TRIM2: variants seen among roughly 807,000 people sequenced by gnomAD.
The protein encoded by TRIM2 is tripartite motif containing 2.
TRIM2 carries 20 observed loss-of-function variants against 75.2 expected under a neutral mutation model. The observed-to-expected ratio is 0.27, with a 90% CI of 0.19 to 0.39. The LOEUF (loss-of-function observed/expected upper bound fraction) is 0.39, where lower values mean the gene tolerates loss of function less well. Among genes scored for constraint, TRIM2 ranks in the 10% least tolerant of loss-of-function variants. The pLI, the probability that TRIM2 is intolerant of heterozygous loss-of-function variation, is 1.00. For synonymous variants in TRIM2, 373 were observed against 388.3 expected, an observed-to-expected ratio of 0.96 and a Z score of 0.46; for missense variants, 660 against 990.8, an observed-to-expected ratio of 0.67 and a Z score of 4.48.
intron 9 of TRIM2, among the ~76,000 whole-genome samples, chr4:153,323,398 A>G (rs991787435): frequency 2.0e-5 from 3 of 152,330 alleles, no homozygotes; most frequent in African/African-American, 7.2e-5. Context: ...AATTTGCATA[A>G]TATTTGTTTA....
In TRIM2 at chr4:153,244,176, TCTTCTC is replaced by T. The variant is rs1418571367; in HGVS notation, c.31-26156_31-26151del. Among the ~76,000 whole-genome samples the T allele has an allele frequency of 2.1e-3, 301 of 141,778 alleles. 13 individuals are homozygous for T. The highest frequency in any genetic ancestry group is 8.4e-3 in the African/African-American group (291 of 34,488). 93.0% of individuals were successfully genotyped at this position (141,778 alleles called of 152,430 possible). A position where few individuals can be genotyped will look rare whatever the true frequency, so the allele number is the denominator to read the frequency against. On this transcript the variant is annotated intron_variant, in intron 1 of 11. Transcript: ENST00000338700. ...TTGTTCTTCTTCTTCTTCTTCTTCT[TCTTCTC>T]CTCCTTCTTCTTCTCCTCCTTTTCC...
chr4:153,289,617 G>A (rs914530454), intron 3 of TRIM2, among the ~76,000 whole-genome samples: 4 of 151,992 alleles, frequency 2.6e-5, no homozygotes, highest in East Asian at 1.9e-4. Context: ...TTGTCATCTC[G>A]TTTCTTATAC....
At position 153,328,701 on chromosome 4, in the gene TRIM2, A is replaced by G. The variant is rs372930413; in HGVS notation, c.2163+31A>G. 10 of 1,538,292 alleles carry G rather than the reference A, an allele frequency of 6.5e-6. No individual in the cohort carries two copies. In the South Asian group the frequency reaches 1.3e-4, roughly 20 times the overall value. ...TCAATGTGCTAATGTATATGGTTAG[A>G]GTGTTTGGTATTTGTTAAAAGTGAA... On this transcript the variant is annotated intron_variant, in intron 11 of 11. Coordinates refer to ENST00000338700, the MANE Select transcript of TRIM2 (RefSeq NM_015271.5).
intron 8 of TRIM2, among the ~76,000 whole-genome samples, chr4:153,320,275 T>G (rs927858083): frequency 6.6e-6 from 1 of 152,230 alleles, no homozygotes; most frequent in Non-Finnish European, 1.5e-5. Flanking sequence ...TCCTTTGCTC[T>G]AAAGAGATGA....
rs71598257 is a variant in TRIM2, at chr4:153,283,861, C to CTTTTTTTTTT, written c.453+7749_453+7758dup. Reference sequence around the variant, plus strand: ...TCATCTTGGCCAGGATGGCCTTGATCTTTTTTTTTTTTTTTTTTTTTTTTT... The same window carrying CTTTTTTTTTT: ...TCATCTTGGCCAGGATGGCCTTGATCTTTTTTTTTTTTTTTTTTTTTTTTTTTTTTTTTTT... On this transcript the variant is annotated intron_variant, in intron 3 of 11. Coordinates refer to ENST00000338700, the MANE Select transcript of TRIM2 (RefSeq NM_015271.5). Among the ~76,000 whole-genome samples, 32 of 53,276 alleles carry CTTTTTTTTTT rather than the reference C, an allele frequency of 6.0e-4. 4 individuals carry two copies. The highest frequency in any genetic ancestry group is 2.7e-3 in the African/African-American group (32 of 11,750). 35.0% of individuals were successfully genotyped at this position (53,276 alleles called of 152,430 possible).
rs571915501 is a variant in TRIM2, at chr4:153,266,103, A to C, written c.31-4232A>C. 7.9e-5 allele frequency among the ~76,000 whole-genome samples: 12 copies of C among 152,318 alleles called. No individual in the cohort carries two copies. In the South Asian group the frequency reaches 2.3e-3, roughly 29 times the overall value. Reference sequence around the variant, plus strand: ...ACCTATACCGTTTAACTATGCAGTGAGTTCTGTCTGAATGTGACACTCTTG... The same window carrying C: ...ACCTATACCGTTTAACTATGCAGTGCGTTCTGTCTGAATGTGACACTCTTG... On this transcript the variant is annotated intron_variant, in intron 1 of 11. Transcript: ENST00000338700.
intron 1 of TRIM2, among the ~76,000 whole-genome samples, chr4:153,197,203 GTAAGTT>G (rs1481901012): frequency 6.6e-6 from 1 of 152,198 alleles, no homozygotes; most frequent in Non-Finnish European, 1.5e-5. Flanking sequence ...CTTCCAGGTA[GTAAGTT>G]TAATGGAATG....
intron 2 of TRIM2, among the ~76,000 whole-genome samples, chr4:153,270,816 A>C (rs772513642): frequency 1.5e-4 from 23 of 152,188 alleles, no homozygotes; most frequent in Non-Finnish European, 2.5e-4. Context: ...TTTGTGAAAC[A>C]ATTTTTGTCC....
intron 1 of TRIM2, among the ~76,000 whole-genome samples, chr4:153,263,681 T>A (rs754465165): frequency 6.6e-6 from 1 of 152,174 alleles, no homozygotes; most frequent in African/African-American, 2.4e-5. Context: ...CCAGCTGCTA[T>A]AACAAAAATG....
In TRIM2 at chr4:153,257,792, T is replaced by G. The variant is rs1579053906; in HGVS notation, c.31-12543T>G. On this transcript the variant is annotated intron_variant, in intron 1 of 11. Transcript: ENST00000338700. Reference sequence around the variant, plus strand: ...GTAGGTCCTAAATGTTCAGACTGCTTAGTATTGTGCCAGGTGGATAACTGA... The same window carrying G: ...GTAGGTCCTAAATGTTCAGACTGCTGAGTATTGTGCCAGGTGGATAACTGA... 3 of 399,248 alleles carry G rather than the reference T, an allele frequency of 7.5e-6. No homozygotes were observed. In the Middle Eastern group the frequency reaches 2.5e-3, roughly 329 times the overall value. 24.7% of individuals were successfully genotyped at this position (399,248 alleles called of 1,614,324 possible). A position where few individuals can be genotyped will look rare whatever the true frequency, so the allele number is the denominator to read the frequency against.
chr4:153,191,308 A>G (rs1733165153), intron 1 of TRIM2, among the ~76,000 whole-genome samples: 2 of 152,368 alleles, frequency 1.3e-5, no homozygotes, highest in South Asian at 2.1e-4. Context: ...ATGGCTAAAC[A>G]GTCTGAGAAA....
chr4:153,313,129 G>A (rs145998556), intron 6 of TRIM2, among the ~76,000 whole-genome samples: 169 of 151,970 alleles, frequency 1.1e-3, no homozygotes, highest in Non-Finnish European at 1.4e-3. Flanking sequence ...ATCCCCCTTC[G>A]AGGGCCAACC....
At position 153,273,270 on chromosome 4, in the gene TRIM2, C is replaced by CATTTTTTTTTTTTTTTTTTTTTT. The variant is rs1757187818; in HGVS notation, c.216-2623_216-2622insATTTTTTTTTTTTTTTTTTTTTT. On this transcript the variant is annotated intron_variant, in intron 2 of 11. Transcript: ENST00000338700. ...ACTCAGTGAGCACCTTACAGTCACT[C>CATTTTTTTTTTTTTTTTTTTTTT]TTTTTTTTTTTTTTTTTTTTTTTGA... is the stretch of plus-strand genomic sequence containing the variant. Among the ~76,000 whole-genome samples, 8 of 57,386 alleles carry CATTTTTTTTTTTTTTTTTTTTTT rather than the reference C, an allele frequency of 1.4e-4. 1 individual carries two copies. Among genetic ancestry groups the CATTTTTTTTTTTTTTTTTTTTTT allele is most frequent in the African/African-American group, 5.6e-4 (8 of 14,306 alleles). 37.6% of individuals were successfully genotyped at this position (57,386 alleles called of 152,430 possible).
intron 1 of TRIM2, among the ~76,000 whole-genome samples, chr4:153,162,412 G>A (rs1729828139): frequency 1.3e-5 from 2 of 152,186 alleles, no homozygotes; most frequent in Non-Finnish European, 2.9e-5. Flanking sequence ...AGAAAGAGCT[G>A]ATGCTTCAGC....
intron 1 of TRIM2, among the ~76,000 whole-genome samples, chr4:153,233,800 T>C (rs1190930409): frequency 6.6e-6 from 1 of 152,190 alleles, no homozygotes; most frequent in Non-Finnish European, 1.5e-5. Flanking sequence ...TTATGGTTAA[T>C]TCCAAAACTC....
intron 6 of TRIM2, among the ~76,000 whole-genome samples, chr4:153,296,423 C>T (rs767705004): frequency 3.3e-5 from 5 of 152,224 alleles, no homozygotes; most frequent in Non-Finnish European, 5.9e-5. Context: ...CCACCACCAA[C>T]GCCCCTCTTC....
chr4:153,255,834 G>A (rs1449468167), intron 1 of TRIM2, among the ~76,000 whole-genome samples: 1 of 152,178 alleles, frequency 6.6e-6, no homozygotes, highest in Non-Finnish European at 1.5e-5. Flanking sequence ...TCTGCCAAGT[G>A]AAAAGAGCAA....
intron 1 of TRIM2, among the ~76,000 whole-genome samples, chr4:153,245,491 G>A (rs1048862114): frequency 6.6e-6 from 1 of 152,322 alleles, no homozygotes; most frequent in Non-Finnish European, 1.5e-5. Flanking sequence ...TCTGGCCCAC[G>A]GCCTGTTTTT....
intron 11 of TRIM2, among the ~76,000 whole-genome samples, chr4:153,333,656 GC>G (rs1018545186): frequency 1.2e-4 from 19 of 152,030 alleles, no homozygotes; most frequent in Admixed American, 8.5e-4. Flanking sequence ...CATATAATCA[GC>G]CCCCCGTACC....
Sources: gnomAD v4.1 joint callset for allele counts (sites outside exome capture counted in the v4.1 genomes callset) on GRCh38, gnomAD v4.1.1 for gene constraint, MANE v1.5 for transcripts, NCBI Gene and HGNC (gene_info 2026-07-23, HGNC 2026-07-21) for gene names.